The following DYTN variants were observed in gnomAD, a reference collection of about 807,000 sequenced individuals.
DYTN encodes the protein dystrotelin.
Under a neutral mutation model 69.6 loss-of-function variants are expected in DYTN, and 75 were observed. That is an observed-to-expected ratio of 1.08 (90% CI 0.89 to 1.31). The LOEUF is 1.31. Among genes scored for constraint, DYTN ranks in the 50% most tolerant of loss-of-function variants. The pLI, the probability that DYTN is intolerant of heterozygous loss-of-function variation, is 0.00. For missense variants in DYTN, 726 were observed against 688.4 expected, an observed-to-expected ratio of 1.05 and a Z score of -0.61; for synonymous variants, 252 against 249.1, an observed-to-expected ratio of 1.01 and a Z score of -0.11.
At chr2:206,707,921 T>C (rs1028371846) in intron 2 of DYTN, among the ~76,000 whole-genome samples, 2 of 152,236 alleles carry the variant, frequency 1.3e-5, no homozygotes, top group African/African-American at 4.8e-5. Context: ...TGTTCAAATA[T>C]AGTTTTTCTT....
chr2:206,675,609 C>T (rs1699678366), intron 9 of DYTN, among the ~76,000 whole-genome samples: 1 of 152,012 alleles, frequency 6.6e-6, no homozygotes, highest in Non-Finnish European at 1.5e-5. Flanking sequence ...AATAGAGAAA[C>T]CTAAATATCA....
In DYTN at chr2:206,711,588, TC is replaced by T. The variant is rs1700078656; in HGVS notation, c.20-991del. Among the ~76,000 whole-genome samples, 6 of 152,258 alleles carry T rather than the reference TC, an allele frequency of 3.9e-5. No individual in the cohort carries two copies. In the South Asian group the frequency reaches 1.2e-3, roughly 32 times the overall value. On this transcript the variant is annotated intron_variant, in intron 1 of 11. Coordinates refer to ENST00000452335, the MANE Select transcript of DYTN (RefSeq NM_001093730.1). ...TGTTGTTTTTTGTTTTTTTTACTTT[TC>T]TTTTTTTTATTATACTTTAAGTTTT...
chr2:206,694,910 AC>A (rs747818025), intron 7 of DYTN, 33 bp from the exon 8 acceptor site: 1 of 1,319,608 alleles, frequency 7.6e-7, no homozygotes, highest in Admixed American at 2.5e-5. Flanking sequence ...AGCTTACGTC[AC>A]TAGTAGATGA....
At chr2:206,675,151 A>ATATG (rs1175785634) in intron 9 of DYTN, among the ~76,000 whole-genome samples, 2 of 78,352 alleles carry the variant, frequency 2.6e-5, no homozygotes, top group East Asian at 7.1e-4. Flanking sequence ...GTGTGTATAT[A>ATATG]TGTGTATATA....
chr2:206,707,220 T>C (rs1337971918), intron 3 of DYTN, 82 bp downstream of exon 3: 2 of 1,501,486 alleles, frequency 1.3e-6, no homozygotes, highest in Non-Finnish European at 9.0e-7. Context: ...CTCAAGCAAA[T>C]ATTAGCCAGC....
intron 7 of DYTN, among the ~76,000 whole-genome samples, chr2:206,696,898 C>CA (rs1233850381): frequency 1.2e-4 from 18 of 152,112 alleles, no homozygotes; most frequent in Non-Finnish European, 1.5e-4. Flanking sequence ...TTTCAATGAA[C>CA]ATTAGTTGAA....
At chr2:206,702,859 T>G (rs1043859388) in intron 5 of DYTN, among the ~76,000 whole-genome samples, 12 of 152,186 alleles carry the variant, frequency 7.9e-5, no homozygotes, top group Non-Finnish European at 1.0e-4. Flanking sequence ...CCCAAGTGAC[T>G]AATTTCTTGC....
At chr2:206,693,722 G>A (rs1699889445) in intron 8 of DYTN, among the ~76,000 whole-genome samples, 1 of 152,150 alleles carries the variant, frequency 6.6e-6, no homozygotes, top group African/African-American at 2.4e-5. Flanking sequence ...CAATTTCAGT[G>A]GACTCACAGG....
At chr2:206,703,876 A>G (rs952888794) in intron 5 of DYTN, among the ~76,000 whole-genome samples, 8 of 152,210 alleles carry the variant, frequency 5.3e-5, no homozygotes, top group African/African-American at 1.7e-4. Context: ...GGGTAAGGGT[A>G]CAACAGGACA....
Position 206,709,448 on chromosome 2 carries a change from TACACACACACAGAC to T in DYTN, c.94+1062_94+1075del, listed in dbSNP as rs1700058593. On this transcript the variant is annotated intron_variant, in intron 2 of 11. Transcript: ENST00000452335. ...TGGGTGACAGAGTGAGACCCCAGCTTACACACACACAGACACACACACACACACACACATACAAG... is the reference window on the plus strand; with the variant it reads ...TGGGTGACAGAGTGAGACCCCAGCTTACACACACACACACACACATACAAG... 2.0e-5 allele frequency among the ~76,000 whole-genome samples: 3 copies of T among 151,312 alleles called. No homozygotes were observed. The South Asian group carries it at 6.3e-4, about 32-fold the overall frequency.
At chr2:206,708,520 G>A (rs966007810) in intron 2 of DYTN, among the ~76,000 whole-genome samples, 1 of 152,188 alleles carries the variant, frequency 6.6e-6, no homozygotes, top group Non-Finnish European at 1.5e-5. Context: ...GTTTCAGAAT[G>A]TGACTTAAAT....
chr2:206,682,385 C>A (rs1425686337), intron 9 of DYTN, among the ~76,000 whole-genome samples: 1 of 152,160 alleles, frequency 6.6e-6, no homozygotes, highest in Non-Finnish European at 1.5e-5. Flanking sequence ...TTTGACCTAG[C>A]AGCAGCATTT....
rs115055340 is a variant in DYTN, at chr2:206,675,516, C to G, written c.981-9487G>C. Among the ~76,000 whole-genome samples, 494 of 151,718 alleles carry G rather than the reference C, an allele frequency of 3.3e-3. 4 individuals are homozygous for G. The highest frequency in any genetic ancestry group is 0.011 in the African/African-American group (451 of 41,396). On this transcript the variant is annotated intron_variant, in intron 9 of 11. Transcript: ENST00000452335. ...TTAAGAAATAATACAGTGGGAAAAG[C>G]CCCTACTCACAATATTATCACAATA... is the stretch of plus-strand genomic sequence containing the variant.
chr2:206,672,426 A>G (rs1305431440), intron 9 of DYTN, among the ~76,000 whole-genome samples: 1 of 152,234 alleles, frequency 6.6e-6, no homozygotes, highest in Non-Finnish European at 1.5e-5. Flanking sequence ...GTTTGTTTGA[A>G]GCAGGAAATA....
At chr2:206,672,751 G>A (rs138056226) in intron 9 of DYTN, among the ~76,000 whole-genome samples, 4 of 152,272 alleles carry the variant, frequency 2.6e-5, no homozygotes, top group African/African-American at 4.8e-5. Flanking sequence ...ATGATTGCAC[G>A]AAAGCTTACA....
chr2:206,662,723 G>A (rs1699526531), intron 11 of DYTN, among the ~76,000 whole-genome samples, 180 bp downstream of exon 11: 1 of 150,468 alleles, frequency 6.6e-6, no homozygotes, highest in Non-Finnish European at 1.5e-5. Context: ...ACTCACAACA[G>A]ACCTGTGAAT....
At chr2:206,714,364 G>A (rs1157660945) in intron 1 of DYTN, among the ~76,000 whole-genome samples, 10 of 152,014 alleles carry the variant, frequency 6.6e-5, no homozygotes, top group African/African-American at 2.4e-4. Context: ...CACCACGCCC[G>A]GCTAATTTTT....
chr2:206,670,460 C>T (rs1255731414), intron 9 of DYTN: 1 of 151,714 alleles, frequency 6.6e-6, no homozygotes, highest in African/African-American at 2.4e-5. Flanking sequence ...TCTCTGTGGT[C>T]GGTATTTGCA....
Position 206,665,906 on chromosome 2 carries a change from T to C in DYTN, c.1104A>G (p.Leu368=). ...GTCTTATCTGTTGTAGCTTGGTCCA[T>C]AGACTATCCTGGTTGGTTTTGAGTT... ...IHKLKTNQDS[L]WTKLQQIRRD... The change falls in exon 10 of 12, where the codon CTA becomes CTG. Residue 368 remains leucine (L), a synonymous_variant. Coordinates refer to ENST00000452335, the MANE Select transcript of DYTN (RefSeq NM_001093730.1). 6.2e-7 allele frequency: 1 copy of C among 1,613,972 alleles called. No homozygotes were observed.
Sources: allele counts gnomAD v4.1 joint callset (sites outside exome capture counted in the v4.1 genomes callset), GRCh38; gene constraint gnomAD v4.1.1; transcripts MANE v1.5; gene names NCBI Gene and HGNC (gene_info 2026-07-23, HGNC 2026-07-21).